The following WASF2 variants were observed in gnomAD, a reference collection of about 807,000 sequenced individuals.
WASF2 encodes the protein WASP family member 2, also known as actin-binding protein WASF2.
Under a neutral mutation model 45.0 loss-of-function variants are expected in WASF2, and 14 were observed. That is an observed-to-expected ratio of 0.31 (90% CI 0.21 to 0.49). WASF2 has a LOEUF of 0.49. WASF2 is among the 20% of genes least tolerant of loss of function. The pLI, the probability that WASF2 is intolerant of heterozygous loss-of-function variation, is 0.99. For missense variants in WASF2, 439 were observed against 636.1 expected (o/e 0.69, Z 3.33); for synonymous variants, 200 against 236.3 (o/e 0.85, Z 1.41).
chr1:27,441,543 G>C (rs1336455694), intron 1 of WASF2, among the ~76,000 whole-genome samples: 1 of 151,888 alleles, frequency 6.6e-6, no homozygotes, highest in Non-Finnish European at 1.5e-5. Context: ...CACAAGGTCA[G>C]GAGATCGAGA....
intron 2 of WASF2, among the ~76,000 whole-genome samples, chr1:27,427,014 T>C (rs2016994945): frequency 6.6e-6 from 1 of 152,234 alleles, no homozygotes; most frequent in African/African-American, 2.4e-5. Flanking sequence ...TATTTATTTC[T>C]GCCTCCCCTT....
In WASF2 at chr1:27,410,512, C is replaced by G. The variant is rs1446874128; in HGVS notation, c.825-306G>C. ...TGAGACATCTCTTCGGCCCCCTCTG[C>G]CTTTCCAGCTCTAAGGGGAAGGCAC... is the stretch of plus-strand genomic sequence containing the variant. On this transcript the variant is annotated intron_variant, in intron 7 of 8. Transcript: ENST00000618852. The surrounding 1 kb of genome is among the most constrained non-coding windows in gnomAD (Gnocchi z 4.2). Among the ~76,000 whole-genome samples, 2 of 152,182 alleles carry G rather than the reference C, an allele frequency of 1.3e-5. No individual in the cohort carries two copies. Among genetic ancestry groups the G allele is most frequent in the Non-Finnish European group, 2.9e-5 (2 of 68,026 alleles).
intron 2 of WASF2, among the ~76,000 whole-genome samples, chr1:27,426,544 T>C (rs1021668042): frequency 8.0e-5 from 12 of 150,450 alleles, no homozygotes; most frequent in African/African-American, 2.9e-4. Context: ...GAAGTCTCGC[T>C]CTGTCGCCCA....
chr1:27,488,893 A>C (rs1330457930), intron 1 of WASF2, among the ~76,000 whole-genome samples: 1 of 152,204 alleles, frequency 6.6e-6, no homozygotes, highest in Non-Finnish European at 1.5e-5. Flanking sequence ...ACTCCTCTGA[A>C]ACTCAGTTTC....
intron 1 of WASF2, among the ~76,000 whole-genome samples, chr1:27,447,529 C>T (rs2017326900): frequency 1.3e-5 from 2 of 152,198 alleles, no homozygotes; most frequent in South Asian, 4.1e-4. Flanking sequence ...TGCAGCAGCT[C>T]CTGACTATGT....
At chr1:27,470,871 C>T (rs1300947631) in intron 1 of WASF2, among the ~76,000 whole-genome samples, 1 of 152,088 alleles carries the variant, frequency 6.6e-6, no homozygotes, top group Admixed American at 6.5e-5. Flanking sequence ...GCCTCCCAAG[C>T]AAGGAGGAGA....
intron 1 of WASF2, among the ~76,000 whole-genome samples, chr1:27,456,712 T>C (rs1271036778): frequency 6.6e-6 from 1 of 151,900 alleles, no homozygotes; most frequent in East Asian, 1.9e-4. Context: ...CTTCCATTTA[T>C]TTAATAGTTA....
chr1:27,433,703 G>C (rs2148114601), intron 1 of WASF2, among the ~76,000 whole-genome samples: 1 of 152,320 alleles, frequency 6.6e-6, no homozygotes, highest in Middle Eastern at 3.4e-3. Context: ...CTAGACAGGT[G>C]GCAGTTGCAG....
intron 1 of WASF2, among the ~76,000 whole-genome samples, chr1:27,460,372 G>C (rs570318142): frequency 1.3e-5 from 2 of 152,198 alleles, no homozygotes; most frequent in Non-Finnish European, 2.9e-5. Flanking sequence ...AAATGAATCA[G>C]GTAAAGGCCT....
intron 1 of WASF2, among the ~76,000 whole-genome samples, chr1:27,452,205 T>C (rs531175922): frequency 1.3e-5 from 2 of 152,338 alleles, no homozygotes; most frequent in African/African-American, 4.8e-5. Context: ...TTTAGAGATA[T>C]AGTTTTTAAA....
chr1:27,427,674 T>TA (rs199873226), intron 2 of WASF2, among the ~76,000 whole-genome samples: 1,609 of 152,272 alleles, frequency 0.011, 11 homozygotes, highest in Non-Finnish European at 0.014. Flanking sequence ...CATCTGGTCA[T>TA]AGAGTTCTGT....
intron 1 of WASF2, among the ~76,000 whole-genome samples, chr1:27,472,445 G>A (rs924136695): frequency 3.3e-5 from 5 of 150,966 alleles, no homozygotes; most frequent in African/African-American, 1.2e-4. Flanking sequence ...ACCAGCCTGG[G>A]CAACATGGTG....
intron 1 of WASF2, among the ~76,000 whole-genome samples, chr1:27,480,825 G>C (rs545886854): frequency 6.6e-6 from 1 of 152,046 alleles, no homozygotes; most frequent in South Asian, 2.1e-4. Context: ...TGGCTAACAC[G>C]GTGAAACCCC....
At position 27,405,687 on chromosome 1, in the gene WASF2, C is replaced by G. The variant is rs1434447984; in HGVS notation, c.*2502G>C. The G allele has an allele frequency of 6.8e-6, 1 of 146,410 alleles. No homozygotes were observed. Among genetic ancestry groups the G allele is most frequent in the South Asian group, 2.2e-4 (1 of 4,574 alleles). 9.1% of individuals were successfully genotyped at this position (146,410 alleles called of 1,614,324 possible). On this transcript the variant is annotated 3_prime_UTR_variant, in exon 9 of 9. Transcript: ENST00000618852. ...CCTCTCGGCTCACTGGGTCCCCGGC[C>G]CCCCGAGCTGAGGAGGCTTCGCAAG...
At chr1:27,464,176 T>TA (rs1472424363) in intron 1 of WASF2, among the ~76,000 whole-genome samples, 3 of 152,052 alleles carry the variant, frequency 2.0e-5, no homozygotes, top group Non-Finnish European at 2.9e-5. Context: ...GGTCAGCAGT[T>TA]AGAGACCAAC....
chr1:27,428,933 C>T lies in WASF2; in HGVS notation c.-43G>A, dbSNP rs1465126518. On this transcript the variant is annotated splice_region_variant and 5_prime_UTR_variant, in exon 2 of 9. Transcript: ENST00000618852. ...CAATGTTCTGAATGGTGAAAAACAA[C>T]CTAAAAAAGAAATAACAGGAAAGTA... is the stretch of plus-strand genomic sequence containing the variant. 1 of 1,606,704 alleles carries T rather than the reference C, an allele frequency of 6.2e-7. No homozygotes were observed. Among genetic ancestry groups the T allele is most frequent in the South Asian group, 1.1e-5 (1 of 90,838 alleles).
At chr1:27,424,679 C>T (rs2016952545) in intron 2 of WASF2, among the ~76,000 whole-genome samples, 1 of 152,152 alleles carries the variant, frequency 6.6e-6, no homozygotes, top group Admixed American at 6.6e-5. Context: ...CGCCACCACA[C>T]CCAGCTAATT....
intron 1 of WASF2, among the ~76,000 whole-genome samples, chr1:27,456,956 G>A (rs2017476801): frequency 6.6e-6 from 1 of 151,942 alleles, no homozygotes; most frequent in Non-Finnish European, 1.5e-5. Flanking sequence ...TGGCCAGGCT[G>A]GTCTCAAACT....
At chr1:27,445,035 T>C (rs993163460) in intron 1 of WASF2, among the ~76,000 whole-genome samples, 1 of 152,322 alleles carries the variant, frequency 6.6e-6, no homozygotes, top group East Asian at 1.9e-4. Flanking sequence ...TTTTGGTGTA[T>C]ACAACTCTTT....
Sources: gnomAD v4.1 joint callset for allele counts (sites outside exome capture counted in the v4.1 genomes callset) on GRCh38, gnomAD v4.1.1 for gene constraint, Gnocchi (gnomAD v3.1) non-coding constraint, MANE v1.5 for transcripts, NCBI Gene and HGNC (gene_info 2026-07-23, HGNC 2026-07-21) for gene names.